Variants in INVS observed in about 807,000 individuals in gnomAD.
The protein encoded by INVS is inversion of embryo turning homolog.
In INVS, 86 loss-of-function variants were observed where a neutral mutation model predicts 108.8. The ratio of observed to expected loss-of-function variants is 0.79; its 90% CI spans 0.66 to 0.95. The LOEUF (loss-of-function observed/expected upper bound fraction) is 0.95. INVS is among the 40% of genes least tolerant of loss of function. The pLI is 0.00. For synonymous variants in INVS, 455 were observed against 473.5 expected, an observed-to-expected ratio of 0.96 and a Z score of 0.51; for missense variants, 1,169 against 1,297.4, an observed-to-expected ratio of 0.90 and a Z score of 1.52.
Position 100,104,488 on chromosome 9 carries a change from AT to A in INVS, c.-24-8del, listed in dbSNP as rs890289730. Reference sequence around the variant, plus strand: ...GCTGCATGCGCTCATTGTCTGAATCATTGTTTCAGGTTGCTCCGGTTGCTAA... The same window carrying A: ...GCTGCATGCGCTCATTGTCTGAATCATGTTTCAGGTTGCTCCGGTTGCTAA... On this transcript the variant is annotated splice_polypyrimidine_tract_variant and intron_variant, in intron 1 of 16. Transcript: ENST00000262457. 4.1e-6 allele frequency: 6 copies of A among 1,463,308 alleles called. No homozygotes were observed. The highest frequency in any genetic ancestry group is 4.8e-6 in the Non-Finnish European group (5 of 1,043,338). The allele number at this position is 1,463,308 out of a possible 1,614,324, so 90.6% of individuals were successfully genotyped here.
rs1826874271 is a variant in INVS at position 100,100,795 on chromosome 9, TAATATATGTATATATAATATATATAA to T, written c.-25+1380_-25+1405del. Among the ~76,000 whole-genome samples, 9 of 10,346 alleles carry T rather than the reference TAATATATGTATATATAATATATATAA, an allele frequency of 8.7e-4. 2 individuals carry two copies. The highest frequency in any genetic ancestry group is 1.0e-3 in the Non-Finnish European group (8 of 7,766). 6.8% of individuals were successfully genotyped at this position (10,346 alleles called of 152,430 possible). On this transcript the variant is annotated intron_variant, in intron 1 of 16. Coordinates refer to ENST00000262457, the MANE Select transcript of INVS (RefSeq NM_014425.5). ...GTATATATAATATATATTATATATA[TAATATATGTATATATAATATATATAA>T]TATATGTATATATAATATATATATA...
chr9:100,154,494 G>C (rs1213944475), intron 3 of INVS, among the ~76,000 whole-genome samples: 1 of 151,690 alleles, frequency 6.6e-6, no homozygotes, highest in Non-Finnish European at 1.5e-5. Context: ...TACTTTTAGA[G>C]AGCTGGCTAC....
At chr9:100,254,260 GTTGT>G (rs1832341982) in intron 10 of INVS, among the ~76,000 whole-genome samples, 2 of 152,140 alleles carry the variant, frequency 1.3e-5, no homozygotes, top group South Asian at 2.1e-4. Context: ...TTTTGATGGG[GTTGT>G]TTGATTTTTT....
Position 100,292,641 on chromosome 9 carries a change from C to T in INVS, c.2384C>T (p.Thr795Ile), listed in dbSNP as rs373436300. The change falls in exon 14 of 17, where the codon ACT becomes ATT. Residue 795 changes from threonine (T) to isoleucine (I), a missense_variant. Physicochemically the swap from Thr to Ile is moderately conservative, Grantham distance 89. This residue lies in a region of INVS where 533 missense variants were observed against 536.0 expected (regional missense o/e 0.99). Coordinates refer to ENST00000262457, the MANE Select transcript of INVS (RefSeq NM_014425.5). ...AAATGTGCCCCCCAGAAAAGGCGCA[C>T]TCAAGAGCTCAGAGGAGGAAGGTGC... is the stretch of plus-strand genomic sequence containing the variant. ...KAKCAPQKRRTQELRGGRCSP... is the reference protein window; with the variant it reads ...KAKCAPQKRRIQELRGGRCSP... The T allele has an allele frequency of 6.2e-7, 1 of 1,614,180 alleles. No individual in the cohort carries two copies. Among genetic ancestry groups the T allele is most frequent in the East Asian group, 2.2e-5 (1 of 44,882 alleles).
At chr9:100,155,827 A>G (rs1312361846) in intron 3 of INVS, among the ~76,000 whole-genome samples, 1 of 152,270 alleles carries the variant, frequency 6.6e-6, no homozygotes, top group Non-Finnish European at 1.5e-5. Flanking sequence ...AAGCAAGTGA[A>G]TATGTCAATT....
intron 10 of INVS, among the ~76,000 whole-genome samples, chr9:100,258,362 C>G (rs1235923147): frequency 6.6e-6 from 1 of 152,148 alleles, no homozygotes; most frequent in African/African-American, 2.4e-5. Flanking sequence ...GCTCCTTTAG[C>G]TCGGAGAAGT....
intron 3 of INVS, among the ~76,000 whole-genome samples, chr9:100,168,493 G>A (rs116708027): frequency 0.016 from 2,468 of 152,250 alleles, 70 homozygotes; most frequent in African/African-American, 0.056. Context: ...GAGCAGCCTC[G>A]ACAGGGAAGG....
At chr9:100,268,556 G>A (rs1453253141) in intron 11 of INVS, among the ~76,000 whole-genome samples, 1 of 152,084 alleles carries the variant, frequency 6.6e-6, no homozygotes, top group Non-Finnish European at 1.5e-5. Context: ...AATGATAGGA[G>A]TTCCGAGATT....
intron 3 of INVS, among the ~76,000 whole-genome samples, chr9:100,159,384 A>T (rs1335697432): frequency 6.6e-6 from 1 of 152,226 alleles, no homozygotes; most frequent in African/African-American, 2.4e-5. Context: ...ACAGATAGTC[A>T]ATGGCTCTGA....
chr9:100,169,194 G>C (rs1829459584), intron 3 of INVS, among the ~76,000 whole-genome samples: 1 of 152,092 alleles, frequency 6.6e-6, no homozygotes, highest in Admixed American at 6.6e-5. Flanking sequence ...AAAAAATGAA[G>C]AATTATGCAT....
chr9:100,127,064 C>T (rs78567186), intron 3 of INVS, among the ~76,000 whole-genome samples: 4 of 151,992 alleles, frequency 2.6e-5, no homozygotes, highest in East Asian at 1.9e-4. Flanking sequence ...GGCATGGTGG[C>T]GCACACTTGC....
chr9:100,247,354 T>C lies in INVS; in HGVS notation c.1078+567T>C, dbSNP rs563616987. Among the ~76,000 whole-genome samples the C allele has an allele frequency of 4.1e-4, 62 of 152,318 alleles. No individual in the cohort carries two copies. The South Asian group carries it at 8.9e-3, about 22-fold the overall frequency. ...TTACTAGATACTTCTTTTAATTTCT[T>C]TCTCTAATAGAAGAGGCCTTTACCT... On this transcript the variant is annotated intron_variant, in intron 8 of 16. Transcript: ENST00000262457.
intron 3 of INVS, among the ~76,000 whole-genome samples, chr9:100,133,381 A>G (rs1185497853): frequency 6.6e-6 from 1 of 151,850 alleles, no homozygotes; most frequent in East Asian, 1.9e-4. Flanking sequence ...CACATACACT[A>G]TTATGGGTAA....
chr9:100,274,608 G>A (rs1021840748), intron 12 of INVS, among the ~76,000 whole-genome samples: 6 of 152,254 alleles, frequency 3.9e-5, no homozygotes, highest in East Asian at 1.9e-4. Context: ...GGGTTCAAGC[G>A]ATTCTTATGA....
At chr9:100,119,382 C>A (rs1827653062) in intron 2 of INVS, among the ~76,000 whole-genome samples, 1 of 152,168 alleles carries the variant, frequency 6.6e-6, no homozygotes, top group African/African-American at 2.4e-5. Context: ...AACAAATTAA[C>A]ACAAACTTAG....
chr9:100,198,190 C>T (rs2118208995), intron 3 of INVS, among the ~76,000 whole-genome samples: 1 of 146,580 alleles, frequency 6.8e-6, no homozygotes, highest in East Asian at 2.1e-4. Flanking sequence ...ATTTAGTGTC[C>T]TTCAATCTAG....
intron 5 of INVS, among the ~76,000 whole-genome samples, chr9:100,235,139 G>T (rs1442767292): frequency 3.3e-5 from 5 of 150,904 alleles, no homozygotes; most frequent in Admixed American, 1.3e-4. Flanking sequence ...TGTCTTTTTT[G>T]ATCTTTGTTG....
chr9:100,175,392 G>A (rs563617736), intron 3 of INVS: 66 of 851,664 alleles, frequency 7.7e-5, no homozygotes, highest in East Asian at 6.4e-4. Flanking sequence ...GAAGAGCACC[G>A]CAAAAAAGGA....
intron 15 of INVS, 100 bp from the exon 16 acceptor site, chr9:100,297,836 C>G: frequency 8.4e-7 from 1 of 1,188,906 alleles, no homozygotes; most frequent in Non-Finnish European, 1.3e-6. Flanking sequence ...TTGACACACA[C>G]CTGCAAGCTC....
Sources: gnomAD v4.1 joint callset for allele counts (sites outside exome capture counted in the v4.1 genomes callset) on GRCh38, gnomAD v4.1.1 for gene constraint, gnomAD v4.1.1 regional missense constraint, MANE v1.5 for transcripts, NCBI Gene and HGNC (gene_info 2026-07-23, HGNC 2026-07-21) for gene names.